Variants in ZNF18 observed in about 807,000 individuals in gnomAD.
ZNF18 encodes the protein heart development-specific gene 1 protein.
Under a neutral mutation model 58.1 loss-of-function variants are expected in ZNF18, and 42 were observed. The observed-to-expected ratio is 0.72, with a 90% CI of 0.56 to 0.93. The LOEUF is 0.93. ZNF18 is among the 40% of genes least tolerant of loss of function. ZNF18 has a pLI of 0.00. For synonymous variants in ZNF18, 231 were observed against 239.8 expected (o/e 0.96, Z 0.34); for missense variants, 540 against 644.2 (o/e 0.84, Z 1.75).
chr17:11,997,377 C>T (rs907318263), intron 1 of ZNF18, 54 bp downstream of exon 1: 1 of 152,290 alleles, frequency 6.6e-6, no homozygotes, highest in Non-Finnish European at 1.5e-5. Flanking sequence ...GCAGATAGCG[C>T]AAGGCCTGAC....
rs1272903645 is a variant in ZNF18 at position 11,978,613 on chromosome 17, C to T, written c.994G>A (p.Asp332Asn). Residue 332 changes from aspartate to asparagine, a missense_variant, in exon 7 of 7, where the codon GAT becomes AAT. Physicochemically the swap from Asp to Asn is conservative, Grantham distance 23. Transcript: ENST00000580306. ...CCTTCTCCAAAGCATCCTGGCTCAT[C>T]CTCAGTGAAGAAGCCCCTCAAGGAA... ...QASLRGFFTE[D>N]EPGCFGEGEN... The T allele has an allele frequency of 1.2e-6, 2 of 1,613,964 alleles. No homozygotes were observed. Among genetic ancestry groups the T allele is most frequent in the African/African-American group, 2.7e-5 (2 of 74,904 alleles).
intron 4 of ZNF18, among the ~76,000 whole-genome samples, chr17:11,987,754 C>T (rs1483564115): frequency 6.6e-6 from 1 of 152,216 alleles, no homozygotes. Flanking sequence ...CAAGCAACAT[C>T]TTGCTTAACA....
chr17:12,003,439 C>CAAAA, the ZNF18 span, among the ~76,000 whole-genome samples: 48 of 72,490 alleles, frequency 6.6e-4, no homozygotes, highest in African/African-American at 2.2e-3. Context: ...GACTCTGTCT[C>CAAAA]AAAAAAAAAA....
chr17:11,992,498 T>A lies in ZNF18; in HGVS notation c.332A>T (p.Glu111Val). 6.2e-7 allele frequency: 1 copy of A among 1,614,208 alleles called. No homozygotes were observed. The highest frequency in any genetic ancestry group is 2.2e-5 in the East Asian group (1 of 44,886). The change falls in exon 2 of 7, where the codon GAG becomes GTG. Residue 111 changes from glutamate to valine, a missense_variant. Transcript: ENST00000580306. ...CAAGCTTTCCACAAGGGTCACTGCC[T>A]CTTCTCCACTTCCTGGACACTGTTT... The part of the protein sequence containing the change: ...VRKQCPGSGE[E>V]AVTLVESLKG...
chr17:12,020,260 G>A, the ZNF18 span, among the ~76,000 whole-genome samples: 1 of 152,138 alleles, frequency 6.6e-6, no homozygotes, highest in Non-Finnish European at 1.5e-5. Flanking sequence ...CAAATTACCT[G>A]GTGGTATTAT....
At chr17:11,987,592 T>C (rs868423966) in intron 4 of ZNF18, among the ~76,000 whole-genome samples, 1 of 152,190 alleles carries the variant, frequency 6.6e-6, no homozygotes, top group Non-Finnish European at 1.5e-5. Context: ...TAAATACGGT[T>C]GTAAAAAACA....
chr17:12,009,740 A>T, the ZNF18 span, among the ~76,000 whole-genome samples: 10 of 152,140 alleles, frequency 6.6e-5, no homozygotes, highest in Non-Finnish European at 1.2e-4. Flanking sequence ...GGCGTGAGCC[A>T]CCGCGCCTGG....
intron 2 of ZNF18, among the ~76,000 whole-genome samples, chr17:11,991,407 G>A (rs1968120905): frequency 6.6e-6 from 1 of 152,186 alleles, no homozygotes; most frequent in African/African-American, 2.4e-5. Context: ...TGCTTCTACT[G>A]GATATGCGCC....
At chr17:12,008,818 C>T in the ZNF18 span, among the ~76,000 whole-genome samples, 1 of 152,176 alleles carries the variant, frequency 6.6e-6, no homozygotes, top group Non-Finnish European at 1.5e-5. Context: ...ACTGTTGTTC[C>T]CCACAAGATC....
intron 2 of ZNF18, 54 bp from the exon 3 acceptor site, chr17:11,991,217 T>A: frequency 6.8e-7 from 1 of 1,479,710 alleles, no homozygotes; most frequent in Non-Finnish European, 9.3e-7. Context: ...TAAGGATCTC[T>A]AAAAGACACA....
At chr17:11,996,327 C>T (rs1968466941) in intron 1 of ZNF18, among the ~76,000 whole-genome samples, 1 of 152,060 alleles carries the variant, frequency 6.6e-6, no homozygotes, top group South Asian at 2.1e-4. Context: ...AAATAACAAG[C>T]GGCAAGATTT....
chr17:12,010,849 C>A, the ZNF18 span: 1 of 479,882 alleles, frequency 2.1e-6, no homozygotes, highest in East Asian at 3.7e-5. Flanking sequence ...CAGTTGAACC[C>A]CAGGTACTTT....
chr17:12,015,335 C>A, the ZNF18 span, among the ~76,000 whole-genome samples: 5 of 152,146 alleles, frequency 3.3e-5, no homozygotes, highest in Admixed American at 3.3e-4. Context: ...CTTGGCTACG[C>A]CCTAGGTGAT....
intron 4 of ZNF18, among the ~76,000 whole-genome samples, chr17:11,984,497 T>C (rs187456041): frequency 6.7e-6 from 1 of 148,794 alleles, no homozygotes; most frequent in Non-Finnish European, 1.5e-5. Context: ...GCCTTTTCCA[T>C]ACTATTTGTT....
chr17:11,990,528 G>C lies in ZNF18; in HGVS notation c.600C>G (p.Ala200=). The C allele has an allele frequency of 6.2e-7, 1 of 1,611,216 alleles. No individual in the cohort carries two copies. The highest frequency in any genetic ancestry group is 8.5e-7 in the Non-Finnish European group (1 of 1,179,260). ...AELALAASQP[A]RLEERLIRDQ... Reference sequence around the variant, plus strand: ...CTCTGATCAGCCTTTCCTCCAGTCGGGCAGGCTGGGAGGCAGCCAGGGCTG... The same window carrying C: ...CTCTGATCAGCCTTTCCTCCAGTCGCGCAGGCTGGGAGGCAGCCAGGGCTG... The change falls in exon 4 of 7, where the codon GCC becomes GCG. Residue 200 remains alanine, a synonymous_variant. Coordinates refer to ENST00000580306, the MANE Select transcript of ZNF18 (RefSeq NM_001303281.2).
chr17:11,988,942 T>C (rs1967924628), intron 4 of ZNF18, among the ~76,000 whole-genome samples: 1 of 152,016 alleles, frequency 6.6e-6, no homozygotes, highest in Non-Finnish European at 1.5e-5. Flanking sequence ...GTGGATCACT[T>C]GAGGTCAGGA....
the ZNF18 span, among the ~76,000 whole-genome samples, chr17:12,016,963 A>G: frequency 2.6e-5 from 4 of 152,052 alleles, no homozygotes; most frequent in African/African-American, 9.7e-5. Flanking sequence ...TTGGGAGACC[A>G]AGGCGGGTGG....
chr17:12,021,068 C>G, the ZNF18 span: 3 of 971,730 alleles, frequency 3.1e-6, no homozygotes, highest in Non-Finnish European at 4.0e-6. Context: ...CGCGGCCTGC[C>G]CCAGCGGACG....
the ZNF18 span, among the ~76,000 whole-genome samples, chr17:12,015,404 G>A: frequency 2.0e-5 from 3 of 152,180 alleles, no homozygotes; most frequent in Non-Finnish European, 4.4e-5. Flanking sequence ...TACCCAGTAA[G>A]ATTATATTAG....
Sources: allele counts gnomAD v4.1 joint callset (sites outside exome capture counted in the v4.1 genomes callset), GRCh38; gene constraint gnomAD v4.1.1; transcripts MANE v1.5; gene names NCBI Gene and HGNC (gene_info 2026-07-23, HGNC 2026-07-21).